DIAPH2: variants seen among roughly 807,000 people sequenced by gnomAD.
The protein encoded by DIAPH2 is diaphanous related formin 2.
A neutral mutation model predicts 92.7 loss-of-function variants in DIAPH2; 35 were observed. That is an observed-to-expected ratio of 0.38 (90% CI 0.29 to 0.50). The LOEUF is 0.50. DIAPH2 is among the 20% of genes least tolerant of loss of function. The pLI is 0.94. For missense variants in DIAPH2, 701 were observed against 819.5 expected, an observed-to-expected ratio of 0.86 and a Z score of 1.77; for synonymous variants, 301 against 280.4, an observed-to-expected ratio of 1.07 and a Z score of -0.73.
chrX:97,441,672 C>T (rs1254673965), intron 26 of DIAPH2, among the ~76,000 whole-genome samples: 6 of 111,094 alleles, frequency 5.4e-5, no homozygotes, highest in East Asian at 2.8e-4. Flanking sequence ...AAAAATTAGC[C>T]GGGCGTGGTG....
chrX:97,080,934 T>C (rs1004391742), intron 19 of DIAPH2, among the ~76,000 whole-genome samples: 5 of 112,119 alleles, frequency 4.5e-5, no homozygotes, highest in African/African-American at 1.6e-4. Context: ...TTATGCAGGC[T>C]TGTGAGTCTG....
At chrX:97,000,268 G>T (rs1430268584) in intron 17 of DIAPH2, among the ~76,000 whole-genome samples, 2 of 111,902 alleles carry the variant, frequency 1.8e-5, no homozygotes, top group African/African-American at 6.5e-5. Context: ...GGCTAAAAAA[G>T]AAATCAGTGA....
At chrX:97,144,771 T>G (rs980632755) in intron 22 of DIAPH2, among the ~76,000 whole-genome samples, 20 of 110,411 alleles carry the variant, frequency 1.8e-4, no homozygotes, top group Non-Finnish European at 3.2e-4. Context: ...TTTCTTTCTT[T>G]CTTTCTTTTT....
intron 26 of DIAPH2, among the ~76,000 whole-genome samples, chrX:97,535,303 T>C (rs1021634686): frequency 1.8e-5 from 2 of 112,251 alleles, no homozygotes; most frequent in Admixed American, 1.9e-4. Flanking sequence ...CTCTGCAATG[T>C]TTCTTTAAAC....
intron 26 of DIAPH2, among the ~76,000 whole-genome samples, chrX:97,592,391 T>G (rs1278992859): frequency 8.9e-6 from 1 of 112,007 alleles, no homozygotes; most frequent in Non-Finnish European, 1.9e-5. Flanking sequence ...ATCTCACTAC[T>G]GCAGTTTTGT....
chrX:97,174,705 T>C (rs1261405615), intron 22 of DIAPH2, among the ~76,000 whole-genome samples: 1 of 112,137 alleles, frequency 8.9e-6, no homozygotes, highest in Non-Finnish European at 1.9e-5. Flanking sequence ...TACTGGTGTG[T>C]GTGTGTTTAA....
At chrX:96,688,572 A>G (rs1441320419) in intron 1 of DIAPH2, among the ~76,000 whole-genome samples, 1 of 111,775 alleles carries the variant, frequency 8.9e-6, no homozygotes, top group Non-Finnish European at 1.9e-5. Context: ...CTTGACCTCA[A>G]GTGATCCACC....
intron 2 of DIAPH2, among the ~76,000 whole-genome samples, chrX:96,738,183 A>G (rs887854883): frequency 1.8e-5 from 2 of 111,405 alleles, no homozygotes; most frequent in African/African-American, 6.5e-5. Context: ...CATTACCATA[A>G]TTTTCTCTTA....
intron 23 of DIAPH2, among the ~76,000 whole-genome samples, chrX:97,268,278 A>G (rs1278039330): frequency 8.9e-6 from 1 of 112,420 alleles, no homozygotes; most frequent in African/African-American, 3.2e-5. Context: ...GAGTAATTTT[A>G]TTTCATTTGC....
chrX:96,800,012 G>T (rs1012127115), intron 4 of DIAPH2, among the ~76,000 whole-genome samples: 1 of 110,807 alleles, frequency 9.0e-6, no homozygotes, highest in Non-Finnish European at 1.9e-5. Flanking sequence ...TAGGTAGTCT[G>T]TTTCAAGTAA....
At chrX:97,355,415 A>C (rs2069256775) in intron 24 of DIAPH2, among the ~76,000 whole-genome samples, 1 of 110,503 alleles carries the variant, frequency 9.0e-6, no homozygotes, top group Non-Finnish European at 1.9e-5. Context: ...AAAAAAAAAA[A>C]AAACTTCAGT....
intron 26 of DIAPH2, among the ~76,000 whole-genome samples, chrX:97,506,804 TC>T (rs2070838318): frequency 9.0e-6 from 1 of 111,397 alleles, no homozygotes; most frequent in East Asian, 2.8e-4. Flanking sequence ...TTGGAGGGCA[TC>T]AACTATGCTA....
chrX:96,730,583 T>C (rs892949249), intron 1 of DIAPH2, among the ~76,000 whole-genome samples: 1 of 112,084 alleles, frequency 8.9e-6, no homozygotes, highest in Admixed American at 9.5e-5. Context: ...GTTGATTACC[T>C]TTCTCAAGGT....
At chrX:97,515,806 C>G (rs1181348470) in intron 26 of DIAPH2, among the ~76,000 whole-genome samples, 2 of 110,681 alleles carry the variant, frequency 1.8e-5, no homozygotes, top group Non-Finnish European at 3.8e-5. Flanking sequence ...AGTGACCTTG[C>G]TTCTGCTATT....
At chrX:97,113,194 C>T (rs2066994465) in intron 20 of DIAPH2, among the ~76,000 whole-genome samples, 1 of 111,629 alleles carries the variant, frequency 9.0e-6, no homozygotes, top group African/African-American at 3.3e-5. Flanking sequence ...TCATTAATCA[C>T]TGTAATCATA....
chrX:97,369,419 C>G (rs954648228), intron 24 of DIAPH2, among the ~76,000 whole-genome samples: 5 of 66,603 alleles, frequency 7.5e-5, no homozygotes, highest in African/African-American at 1.9e-4. Flanking sequence ...TAAAGGTATG[C>G]TTGCTCTATA....
chrX:97,242,796 T>G (rs2068107334), intron 22 of DIAPH2, among the ~76,000 whole-genome samples: 1 of 110,276 alleles, frequency 9.1e-6, no homozygotes, highest in African/African-American at 3.3e-5. Context: ...TTTATTTATT[T>G]ATTTTTTTGA....
At chrX:96,892,816 A>T (rs2065316641) in intron 5 of DIAPH2, among the ~76,000 whole-genome samples, 1 of 111,487 alleles carries the variant, frequency 9.0e-6, no homozygotes, top group Admixed American at 9.6e-5. Flanking sequence ...TTCTCGTTTA[A>T]ATGATGTGTT....
At chrX:97,103,384 G>GT (rs1370146435) in intron 20 of DIAPH2, among the ~76,000 whole-genome samples, 2 of 111,081 alleles carry the variant, frequency 1.8e-5, no homozygotes, top group East Asian at 5.7e-4. Context: ...CCTAGCATCA[G>GT]TTTTTTTCAA....
Sources: allele counts gnomAD v4.1 joint callset (sites outside exome capture counted in the v4.1 genomes callset), GRCh38; gene constraint gnomAD v4.1.1; transcripts MANE v1.5; gene names NCBI Gene and HGNC (gene_info 2026-07-23, HGNC 2026-07-21).